Variants in WWOX observed in about 807,000 individuals in gnomAD.
WWOX encodes the protein WW domain-containing oxidoreductase.
Under a neutral mutation model 46.2 loss-of-function variants are expected in WWOX, and 69 were observed. The observed-to-expected ratio is 1.49, with a 90% CI of 1.23 to 1.82. The LOEUF is 1.82. Among genes scored for constraint, WWOX ranks in the 40% most tolerant of loss-of-function variants. WWOX has a pLI of 0.00. For missense variants in WWOX, 919 were observed against 542.6 expected (o/e 1.69, Z -6.89); for synonymous variants, 359 against 202.6 (o/e 1.77, Z -6.56).
chr16:79,050,005 G>C (rs2048136577), intron 8 of WWOX, among the ~76,000 whole-genome samples: 1 of 152,140 alleles, frequency 6.6e-6, no homozygotes, highest in Non-Finnish European at 1.5e-5. Context: ...CAGTGTGATT[G>C]CAGAGTATGG....
At chr16:78,438,459 C>CTT (rs61198259) in intron 8 of WWOX, among the ~76,000 whole-genome samples, 15,791 of 149,632 alleles carry the variant, frequency 0.11, 958 homozygotes, top group East Asian at 0.2. Context: ...CCAACCCCAC[C>CTT]TTTTTTTTTT....
intron 8 of WWOX, among the ~76,000 whole-genome samples, chr16:79,083,738 T>C (rs1490574265): frequency 6.6e-6 from 1 of 152,192 alleles, no homozygotes; most frequent in Non-Finnish European, 1.5e-5. Flanking sequence ...TTCAAAGTTT[T>C]CACTAAGGCA....
intron 8 of WWOX, among the ~76,000 whole-genome samples, chr16:78,675,061 G>A (rs2047559346): frequency 1.3e-5 from 2 of 152,130 alleles, no homozygotes; most frequent in Admixed American, 1.3e-4. Flanking sequence ...TAAGTAAATG[G>A]TACATGTGAG....
intron 8 of WWOX, among the ~76,000 whole-genome samples, chr16:78,719,570 G>A (rs183143434): frequency 5.9e-5 from 9 of 152,144 alleles, no homozygotes; most frequent in Admixed American, 3.3e-4. Context: ...GGACTTTAAG[G>A]TTACCTTAAA....
chr16:78,306,976 C>G (rs1423749697), intron 5 of WWOX, among the ~76,000 whole-genome samples: 1 of 152,142 alleles, frequency 6.6e-6, no homozygotes, highest in African/African-American at 2.4e-5. Flanking sequence ...CATTTCCAAC[C>G]TTCTGGGTTT....
rs75239161 is a variant in WWOX, at chr16:79,006,737, G to A, written c.1057-204871G>A. 4.5e-3 allele frequency among the ~76,000 whole-genome samples: 689 copies of A among 152,210 alleles called. 8 individuals are homozygous for A. The highest frequency in any genetic ancestry group is 0.015 in the African/African-American group (634 of 41,528). On this transcript the variant is annotated intron_variant, in intron 8 of 8. Coordinates refer to ENST00000566780, the MANE Select transcript of WWOX (RefSeq NM_016373.4). ...CCTAGAGGGCAGCTTGTACCCTTGC[G>A]TCTTCCGTTTCTTAGAGGTTGCCCA...
chr16:78,874,538 A>G (rs1296901180), intron 8 of WWOX, among the ~76,000 whole-genome samples: 1 of 152,122 alleles, frequency 6.6e-6, no homozygotes, highest in African/African-American at 2.4e-5. Context: ...GTATACAGGA[A>G]GAACTTGATG....
chr16:78,436,511 A>G (rs1290872760), intron 8 of WWOX, among the ~76,000 whole-genome samples: 1 of 152,192 alleles, frequency 6.6e-6, no homozygotes, highest in Non-Finnish European at 1.5e-5. Context: ...TCTTACTAAA[A>G]TCCTCTCTAG....
chr16:78,615,088 G>T (rs376674302), intron 8 of WWOX, among the ~76,000 whole-genome samples: 1 of 152,188 alleles, frequency 6.6e-6, no homozygotes, highest in African/African-American at 2.4e-5. Context: ...GGACACTCTA[G>T]TGAAATTCTA....
intron 6 of WWOX, among the ~76,000 whole-genome samples, chr16:78,390,883 T>G (rs2082161569): frequency 6.6e-6 from 1 of 152,210 alleles, no homozygotes. Flanking sequence ...CCCTTAAATT[T>G]GAATTCCATG....
intron 8 of WWOX, among the ~76,000 whole-genome samples, chr16:78,766,724 G>T (rs1314676084): frequency 6.6e-6 from 1 of 152,214 alleles, no homozygotes; most frequent in Non-Finnish European, 1.5e-5. Context: ...CAGAGCAAGG[G>T]CAGATCAAGC....
At chr16:79,190,567 C>G (rs1006786922) in intron 8 of WWOX, among the ~76,000 whole-genome samples, 2 of 152,106 alleles carry the variant, frequency 1.3e-5, no homozygotes, top group East Asian at 1.9e-4. Flanking sequence ...TAAACTGGCA[C>G]GACAGTTCAG....
chr16:78,725,813 G>A (rs564467779), intron 8 of WWOX, among the ~76,000 whole-genome samples: 8 of 152,050 alleles, frequency 5.3e-5, no homozygotes, highest in Admixed American at 6.5e-5. Context: ...TTGGCATTGC[G>A]GGCGGTGCTT....
At chr16:78,410,155 C>G (rs1012349887) in intron 6 of WWOX, among the ~76,000 whole-genome samples, 1 of 152,210 alleles carries the variant, frequency 6.6e-6, no homozygotes, top group Non-Finnish European at 1.5e-5. Context: ...GCCTACTCCC[C>G]TTTTGCCTTC....
chr16:79,051,633 T>G lies in WWOX; in HGVS notation c.1057-159975T>G, dbSNP rs557734471. Among the ~76,000 whole-genome samples the G allele has an allele frequency of 2.2e-3, 337 of 152,296 alleles. 1 individual carries two copies. The highest frequency in any genetic ancestry group is 3.4e-3 in the Non-Finnish European group (233 of 68,030). ...CAGGCAGTCGCTGCCTCAAATTTCTTTAGTGTTATCCTTTCATGCCAGCAA... is the reference window on the plus strand; with the variant it reads ...CAGGCAGTCGCTGCCTCAAATTTCTGTAGTGTTATCCTTTCATGCCAGCAA... On this transcript the variant is annotated intron_variant, in intron 8 of 8. Transcript: ENST00000566780.
chr16:78,834,283 T>A (rs1204829000), intron 8 of WWOX, among the ~76,000 whole-genome samples: 1 of 152,192 alleles, frequency 6.6e-6, no homozygotes, highest in Non-Finnish European at 1.5e-5. Flanking sequence ...CATGTCCCCA[T>A]TGAACACTGC....
chr16:78,639,569 AT>A (rs1012902470), intron 8 of WWOX, among the ~76,000 whole-genome samples: 1,454 of 83,452 alleles, frequency 0.017, 12 homozygotes, highest in Middle Eastern at 0.039. Context: ...CACAGATTGG[AT>A]TTTTTTTTTT....
At chr16:78,746,500 G>A (rs1209505763) in intron 8 of WWOX, among the ~76,000 whole-genome samples, 5 of 152,148 alleles carry the variant, frequency 3.3e-5, no homozygotes, top group Admixed American at 2.6e-4. Context: ...CTGCTAAAGT[G>A]CATTGTAGTA....
intron 8 of WWOX, among the ~76,000 whole-genome samples, chr16:78,819,309 C>T (rs185166155): frequency 1.5e-4 from 23 of 152,238 alleles, no homozygotes; most frequent in African/African-American, 3.1e-4. Context: ...GCTTACACAC[C>T]GGACCAAATT....
Sources: gnomAD v4.1 joint callset for allele counts (sites outside exome capture counted in the v4.1 genomes callset) on GRCh38, gnomAD v4.1.1 for gene constraint, MANE v1.5 for transcripts, NCBI Gene and HGNC (gene_info 2026-07-23, HGNC 2026-07-21) for gene names.